SYT14: variants seen among roughly 807,000 people sequenced by gnomAD.
The protein encoded by SYT14 is synaptotagmin-14.
SYT14 carries 32 observed loss-of-function variants against 74.2 expected under a neutral mutation model. The ratio of observed to expected loss-of-function variants is 0.43; its 90% CI spans 0.33 to 0.58. The LOEUF is 0.58. SYT14 is among the 20% of genes least tolerant of loss of function. The pLI is 0.05. For missense variants in SYT14, 791 were observed against 981.8 expected (o/e 0.81, Z 2.60); for synonymous variants, 298 against 337.7 (o/e 0.88, Z 1.29).
At chr1:210,066,292 G>A (rs1023649494) in intron 5 of SYT14, among the ~76,000 whole-genome samples, 30 of 151,872 alleles carry the variant, frequency 2.0e-4, no homozygotes, top group Admixed American at 4.6e-4. Context: ...GATCCCTGAG[G>A]AATCGCCACA....
rs75742505 is a variant in SYT14, at chr1:210,129,379, T to C, written c.2035-26342T>C. On this transcript the variant is annotated intron_variant, in intron 7 of 9. Transcript: ENST00000637265. ...CGTCTTGAAACTCCTTGTGTCTCACTGAGTTGTGTGCCCATTCCAGAACCA... is the reference window on the plus strand; with the variant it reads ...CGTCTTGAAACTCCTTGTGTCTCACCGAGTTGTGTGCCCATTCCAGAACCA... 7.9e-3 allele frequency among the ~76,000 whole-genome samples: 1,210 copies of C among 152,308 alleles called. 14 individuals are homozygous for C. The highest frequency in any genetic ancestry group is 0.028 in the African/African-American group (1,147 of 41,552).
chr1:210,142,480 G>T (rs1194517864), intron 7 of SYT14, among the ~76,000 whole-genome samples: 3 of 152,088 alleles, frequency 2.0e-5, no homozygotes, highest in Non-Finnish European at 4.4e-5. Flanking sequence ...TGCCTGTAAG[G>T]GTGTTTGAGT....
intron 5 of SYT14, among the ~76,000 whole-genome samples, chr1:210,030,823 A>G (rs2080515252): frequency 6.6e-6 from 1 of 152,178 alleles, no homozygotes; most frequent in South Asian, 2.1e-4. Context: ...ACTCACAAGA[A>G]CAGTTTCTTG....
chr1:210,040,072 A>G (rs893702027), intron 5 of SYT14, among the ~76,000 whole-genome samples: 1 of 152,200 alleles, frequency 6.6e-6, no homozygotes, highest in African/African-American at 2.4e-5. Flanking sequence ...ATGCACACAT[A>G]TGTTTATTGC....
rs537943779 is a variant in SYT14, at chr1:210,000,464, ACG to A, written c.-485-13167_-485-13166del. On this transcript the variant is annotated intron_variant, in intron 2 of 9. Coordinates refer to ENST00000637265, the Ensembl canonical transcript of SYT14. ...TCTTATTTTAGTCCTTTGTCCTCAT[ACG>A]CACACACACACACACACACACACAC... Among the ~76,000 whole-genome samples the A allele has an allele frequency of 3.4e-3, 452 of 134,058 alleles. 4 individuals carry two copies. The highest frequency in any genetic ancestry group is 0.012 in the African/African-American group (426 of 34,826). The allele number at this position is 134,058 out of a possible 152,430, so 87.9% of individuals were successfully genotyped here.
chr1:210,148,377 C>T (rs1042462010), intron 7 of SYT14, among the ~76,000 whole-genome samples: 33 of 152,070 alleles, frequency 2.2e-4, no homozygotes, highest in African/African-American at 7.5e-4. Flanking sequence ...GGCGTGGTGG[C>T]GGGCGCCTGT....
intron 2 of SYT14, among the ~76,000 whole-genome samples, chr1:210,004,345 A>G (rs1375086039): frequency 1.3e-5 from 2 of 152,086 alleles, no homozygotes; most frequent in African/African-American, 2.4e-5. Flanking sequence ...ATTAATGAAC[A>G]TATTCTCAAT....
chr1:209,979,981 C>T (rs1558107700), intron 2 of SYT14, among the ~76,000 whole-genome samples: 1 of 152,152 alleles, frequency 6.6e-6, no homozygotes, highest in Non-Finnish European at 1.5e-5. Context: ...GTAATGGGAG[C>T]ATTGCTGGGT....
chr1:210,107,042 C>T lies in SYT14; in HGVS notation c.2034+6581C>T, dbSNP rs143852260. Among the ~76,000 whole-genome samples, 807 of 152,318 alleles carry T rather than the reference C, an allele frequency of 5.3e-3. 4 individuals are homozygous for T. Among genetic ancestry groups the T allele is most frequent in the Middle Eastern group, 0.037 (11 of 294 alleles). ...GAAATTGGCCAAAACAAAGGGGCTA[C>T]GGGCCCCATGCCAAGTCCAAAATCC... On this transcript the variant is annotated intron_variant, in intron 7 of 9. Transcript: ENST00000637265.
intron 6 of SYT14, among the ~76,000 whole-genome samples, chr1:210,098,147 C>T (rs974303210): frequency 6.6e-6 from 1 of 151,384 alleles, no homozygotes; most frequent in Non-Finnish European, 1.5e-5. Flanking sequence ...TGCATTCCAG[C>T]CTGGTAAACA....
At chr1:209,948,009 A>C (rs1307637610) in intron 1 of SYT14, among the ~76,000 whole-genome samples, 1 of 150,828 alleles carries the variant, frequency 6.6e-6, no homozygotes, top group African/African-American at 2.5e-5. Context: ...AAGATCATAC[A>C]TTTTTTAAGA....
At chr1:209,994,904 A>G (rs1421448574) in intron 2 of SYT14, among the ~76,000 whole-genome samples, 1 of 152,228 alleles carries the variant, frequency 6.6e-6, no homozygotes, top group Non-Finnish European at 1.5e-5. Flanking sequence ...TTCATAAGTG[A>G]AAGAGAAATA....
intron 7 of SYT14, among the ~76,000 whole-genome samples, chr1:210,105,859 C>T (rs902717215): frequency 6.6e-6 from 1 of 152,194 alleles, no homozygotes; most frequent in Non-Finnish European, 1.5e-5. Context: ...CTCTCCCTCT[C>T]TCACTCTTGC....
chr1:210,038,660 T>G (rs1477571315), intron 5 of SYT14, among the ~76,000 whole-genome samples: 4 of 152,098 alleles, frequency 2.6e-5, no homozygotes, highest in Admixed American at 2.6e-4. Flanking sequence ...GAAAGACTAT[T>G]CTCTTTCATT....
chr1:210,021,665 A>G (rs1237150549), intron 5 of SYT14, among the ~76,000 whole-genome samples: 2 of 152,200 alleles, frequency 1.3e-5, no homozygotes, highest in African/African-American at 4.8e-5. Flanking sequence ...CTCATTCAAT[A>G]TGGCTCCTAA....
chr1:210,122,589 A>C (rs2082489300), intron 7 of SYT14, among the ~76,000 whole-genome samples: 1 of 151,204 alleles, frequency 6.6e-6, no homozygotes, highest in South Asian at 2.1e-4. Context: ...TAGGTTCCAC[A>C]TATGGTCTCT....
At position 210,105,263 on chromosome 1, in the gene SYT14, C is replaced by G. The variant is rs2082138714; in HGVS notation, c.2034+4802C>G. On this transcript the variant is annotated intron_variant, in intron 7 of 9. Coordinates refer to ENST00000637265, the Ensembl canonical transcript of SYT14. ...GCAAACTATGACTTGTGAGTCAACT[C>G]CGGCATGTAGCCTGCTTTGGTAAGG... Among the ~76,000 whole-genome samples the G allele has an allele frequency of 1.3e-5, 2 of 152,212 alleles. 1 individual carries two copies. The highest frequency in any genetic ancestry group is 4.8e-5 in the African/African-American group (2 of 41,444).
At chr1:209,976,005 T>C (rs1326331363) in intron 2 of SYT14, among the ~76,000 whole-genome samples, 1 of 152,216 alleles carries the variant, frequency 6.6e-6, no homozygotes, top group East Asian at 1.9e-4. Flanking sequence ...GTGTTTATAG[T>C]ATTCTCTGAT....
chr1:209,981,648 G>A lies in SYT14; in HGVS notation c.-486+28892G>A, dbSNP rs150334329. Among the ~76,000 whole-genome samples the A allele has an allele frequency of 4.9e-3, 736 of 151,604 alleles. 4 individuals carry two copies. Among genetic ancestry groups the A allele is most frequent in the African/African-American group, 0.014 (574 of 41,370 alleles). ...AATTTTTAGTTTTTGGAGAGATGAC[G>A]TCTTGCTATGTTTTTCATGCTGGTC... On this transcript the variant is annotated intron_variant, in intron 2 of 9. Transcript: ENST00000637265.
Sources: gnomAD v4.1 joint callset for allele counts (sites outside exome capture counted in the v4.1 genomes callset) on GRCh38, gnomAD v4.1.1 for gene constraint, MANE v1.5 for transcripts, NCBI Gene and HGNC (gene_info 2026-07-23, HGNC 2026-07-21) for gene names.